The following MRE11 variants were observed in gnomAD, a reference collection of about 807,000 sequenced individuals.
MRE11 encodes the protein double-strand break repair protein MRE11.
Under a neutral mutation model 91.7 loss-of-function variants are expected in MRE11, and 62 were observed. The observed-to-expected ratio is 0.68, with a 90% CI of 0.55 to 0.84. The LOEUF (loss-of-function observed/expected upper bound fraction) is 0.84, where lower values mean the gene tolerates loss of function less well. Ranked by LOEUF, MRE11 falls within the 40% of genes least tolerant of loss-of-function variation. The pLI, the probability that MRE11 is intolerant of heterozygous loss-of-function variation, is 0.00. For missense variants in MRE11, 796 were observed against 852.9 expected (o/e 0.93, Z 0.83); for synonymous variants, 273 against 271.4 (o/e 1.01, Z -0.06).
At position 94,447,276 on chromosome 11, in the gene MRE11, G is replaced by A. The variant is rs774277300; in HGVS notation, c.1726C>T (p.Arg576Ter). 61 of 1,613,702 alleles carry A rather than the reference G, an allele frequency of 3.8e-5. No individual in the cohort carries two copies. Among genetic ancestry groups the A allele is most frequent in the Non-Finnish European group, 4.7e-5 (55 of 1,179,966 alleles). The change falls in exon 15 of 20, where the codon CGA becomes TGA. Residue 576 changes from arginine to a stop codon, truncating the protein, a stop_gained. Transcript: ENST00000323929. LOFTEE classifies it high-confidence loss of function. ...TNKGRGRGRG[R>*]RGGRGQNSAS... ...GAATTCTGCCCTCTTCCACCTCTTC[G>A]ACCTCTTCCTCGGCCTCTTCCTTTG... is the stretch of plus-strand genomic sequence containing the variant.
At chr11:94,490,087 T>C (rs1035788465) in intron 3 of MRE11, among the ~76,000 whole-genome samples, 2 of 152,214 alleles carry the variant, frequency 1.3e-5, no homozygotes, top group Non-Finnish European at 2.9e-5. Flanking sequence ...CTCCAATTCA[T>C]GGTATTATAC....
intron 13 of MRE11, 86 bp downstream of exon 13, chr11:94,459,318 TTAAA>T: frequency 1.5e-6 from 2 of 1,326,322 alleles, no homozygotes; most frequent in South Asian, 2.4e-5. Context: ...ATCAGAGAGG[TTAAA>T]TAGTGATTTA....
intron 13 of MRE11, among the ~76,000 whole-genome samples, chr11:94,457,405 C>T (rs1007416976): frequency 6.6e-6 from 1 of 152,138 alleles, no homozygotes; most frequent in Non-Finnish European, 1.5e-5. Context: ...AGAAGAGGAA[C>T]AGAGAGCAGT....
rs1945034003 is a variant in MRE11 at position 94,416,547 on chromosome 11, T to C, written c.*3578A>G. On this transcript the variant is annotated 3_prime_UTR_variant, in exon 20 of 20. Transcript: ENST00000323929. Reference sequence around the variant, plus strand: ...TAATGATCTTAATGGTAGTTAGCTTTAAAAAAACACAAAATAGGCTGGGCG... The same window carrying C: ...TAATGATCTTAATGGTAGTTAGCTTCAAAAAAACACAAAATAGGCTGGGCG... 1.3e-5 allele frequency: 2 copies of C among 151,906 alleles called. No individual in the cohort carries two copies. 9.4% of individuals were successfully genotyped at this position (151,906 alleles called of 1,614,324 possible). A position where few individuals can be genotyped will look rare whatever the true frequency, so the allele number is the denominator to read the frequency against.
chr11:94,471,762 G>T lies in MRE11; in HGVS notation c.660-3C>A. 3.1e-6 allele frequency: 5 copies of T among 1,607,622 alleles called. No homozygotes were observed. The highest frequency in any genetic ancestry group is 4.3e-6 in the Non-Finnish European group (5 of 1,175,684). Reference sequence around the variant, plus strand: ...AGTTAGTACTTCCATGTTTACTCCTGTATCAAGATTTTGAAAAATATAAAT... The same window carrying T: ...AGTTAGTACTTCCATGTTTACTCCTTTATCAAGATTTTGAAAAATATAAAT... On this transcript the variant is annotated splice_region_variant and splice_polypyrimidine_tract_variant and intron_variant, in intron 7 of 19. Transcript: ENST00000323929.
chr11:94,485,516 AT>A (rs1947118187), intron 4 of MRE11, among the ~76,000 whole-genome samples: 1 of 152,056 alleles, frequency 6.6e-6, no homozygotes, highest in South Asian at 2.1e-4. Flanking sequence ...AAACAAAAAA[AT>A]CTCAATTTTT....
intron 6 of MRE11, among the ~76,000 whole-genome samples, chr11:94,477,416 A>G (rs1946891285): frequency 6.6e-6 from 1 of 152,212 alleles, no homozygotes; most frequent in East Asian, 1.9e-4. Context: ...ACAAATATTA[A>G]ATATTATAAA....
chr11:94,476,910 G>C (rs1039428919), intron 6 of MRE11, among the ~76,000 whole-genome samples: 1 of 151,960 alleles, frequency 6.6e-6, no homozygotes, highest in Non-Finnish European at 1.5e-5. Flanking sequence ...AGTAGAGATG[G>C]GGTTTTGCCA....
At chr11:94,487,924 C>G (rs1947183764) in intron 3 of MRE11, among the ~76,000 whole-genome samples, 1 of 152,236 alleles carries the variant, frequency 6.6e-6, no homozygotes, top group South Asian at 2.1e-4. Flanking sequence ...GGTTAGTGGG[C>G]ATGGGCCCAC....
chr11:94,476,207 A>G (rs543797155), intron 7 of MRE11, 82 bp downstream of exon 7: 34 of 839,442 alleles, frequency 4.1e-5, no homozygotes, highest in Non-Finnish European at 6.8e-5. Flanking sequence ...GATTAAGGGC[A>G]TTTCACTAAA....
chr11:94,436,714 G>GA (rs1418771880), intron 17 of MRE11, among the ~76,000 whole-genome samples: 4 of 152,312 alleles, frequency 2.6e-5, no homozygotes, highest in African/African-American at 9.6e-5. Flanking sequence ...AGGAAGAGCA[G>GA]AAGGCCCAGG....
At chr11:94,448,452 C>G (rs943689011) in intron 14 of MRE11, among the ~76,000 whole-genome samples, 1 of 151,566 alleles carries the variant, frequency 6.6e-6, no homozygotes, top group Non-Finnish European at 1.5e-5. Context: ...ACAAAATTAG[C>G]CAGGTGTGAT....
intron 12 of MRE11, 62 bp downstream of exon 12, chr11:94,460,874 C>T (rs1946395248): frequency 7.4e-7 from 1 of 1,343,946 alleles, no homozygotes; most frequent in African/African-American, 1.4e-5. Flanking sequence ...TAAACATATC[C>T]TAAATTAAAA....
intron 13 of MRE11, 93 bp downstream of exon 13, chr11:94,459,315 A>G: frequency 1.6e-6 from 2 of 1,248,562 alleles, no homozygotes; most frequent in East Asian, 4.7e-5. Flanking sequence ...CAAATCAGAG[A>G]GGTTAAATAG....
At chr11:94,509,220 A>T in the MRE11 span, among the ~76,000 whole-genome samples, 1 of 152,262 alleles carries the variant, frequency 6.6e-6, no homozygotes, top group East Asian at 1.9e-4. Flanking sequence ...CTTTTTCTTG[A>T]TAACGTTTTA....
At chr11:94,485,776 A>T in intron 4 of MRE11, 148 bp downstream of exon 4, 1 of 747,758 alleles carries the variant, frequency 1.3e-6, no homozygotes, top group Non-Finnish European at 2.2e-6. Context: ...AATATAAATT[A>T]ATACAATGAT....
At chr11:94,469,762 GT>G (rs1354304017) in intron 9 of MRE11, among the ~76,000 whole-genome samples, 8 of 152,136 alleles carry the variant, frequency 5.3e-5, no homozygotes, top group African/African-American at 1.9e-4. Flanking sequence ...CAGTAAATCA[GT>G]AAGTATCACT....
intron 19 of MRE11, among the ~76,000 whole-genome samples, chr11:94,420,903 G>T (rs1448471017): frequency 6.6e-6 from 1 of 152,094 alleles, no homozygotes; most frequent in Non-Finnish European, 1.5e-5. Context: ...GTGGTGGCGG[G>T]CGCCTGTAGT....
At chr11:94,459,336 G>GA (rs1946351250) in intron 13 of MRE11, 72 bp downstream of exon 13, 4 of 1,517,436 alleles carry the variant, frequency 2.6e-6, no homozygotes, top group Non-Finnish European at 3.7e-6. Context: ...TGATTTACCA[G>GA]AAAAAAATCT....
Sources: allele counts gnomAD v4.1 joint callset (sites outside exome capture counted in the v4.1 genomes callset), GRCh38; gene constraint gnomAD v4.1.1; transcripts MANE v1.5; gene names NCBI Gene and HGNC (gene_info 2026-07-23, HGNC 2026-07-21).